Variants in ABCE1 observed in about 807,000 individuals in gnomAD.
ABCE1 encodes the protein ATP-binding cassette sub-family E member 1.
In ABCE1, 22 loss-of-function variants were observed where a neutral mutation model predicts 83.4. That is an observed-to-expected ratio of 0.26 (90% CI 0.19 to 0.38). The LOEUF (loss-of-function observed/expected upper bound fraction) is 0.38, where lower values mean the gene tolerates loss of function less well. ABCE1 is among the 10% of genes least tolerant of loss of function. The pLI, the probability that ABCE1 is intolerant of heterozygous loss-of-function variation, is 1.00. For missense variants in ABCE1, 330 were observed against 721.9 expected, an observed-to-expected ratio of 0.46 and a Z score of 6.22; for synonymous variants, 204 against 233.7, an observed-to-expected ratio of 0.87 and a Z score of 1.16.
intron 2 of ABCE1, 138 bp downstream of exon 2, chr4:145,104,653 G>C: frequency 1.8e-6 from 1 of 543,346 alleles, no homozygotes; most frequent in Admixed American, 4.3e-5. Flanking sequence ...AAGAAAAGTA[G>C]TTTGTTCTAA....
intron 16 of ABCE1, chr4:145,124,025 A>G (rs77197290): frequency 0.013 from 1,973 of 154,884 alleles, 48 homozygotes; most frequent in African/African-American, 0.045. Context: ...ATCTGGTATT[A>G]ATCTATAGCA....
rs1187924884 is a variant in ABCE1, at chr4:145,128,416, A to G, written c.*843A>G. ...TCGAAATCTTTAAAGATGGTGCCTA[A>G]GCATCTATGTATTTTTTTTAAGTTC... On this transcript the variant is annotated 3_prime_UTR_variant, in exon 18 of 18. Transcript: ENST00000296577. 1 of 152,280 alleles carries G rather than the reference A, an allele frequency of 6.6e-6. No homozygotes were observed. The highest frequency in any genetic ancestry group is 1.5e-5 in the Non-Finnish European group (1 of 68,016). The allele number at this position is 152,280 out of a possible 1,614,324, so 9.4% of individuals were successfully genotyped here.
At chr4:145,118,164 C>G (rs987335844) in intron 10 of ABCE1, among the ~76,000 whole-genome samples, 1 of 151,094 alleles carries the variant, frequency 6.6e-6, no homozygotes, top group African/African-American at 2.4e-5. Flanking sequence ...GCTGTTTACT[C>G]AGGAAAAAAA....
chr4:145,116,099 A>C (rs1197633613), intron 9 of ABCE1, among the ~76,000 whole-genome samples: 1 of 151,916 alleles, frequency 6.6e-6, no homozygotes, highest in East Asian at 1.9e-4. Context: ...GTAAAGATCT[A>C]GGCAGGAGAC....
intron 10 of ABCE1, 122 bp downstream of exon 10, chr4:145,117,536 G>T: frequency 1.2e-6 from 1 of 842,628 alleles, no homozygotes; most frequent in South Asian, 3.0e-5. Context: ...CTAGTTCCTT[G>T]GAATTTAATC....
In ABCE1 at chr4:145,121,238, A is replaced by C; in HGVS notation, c.1204+5A>C. ...GACTTAAACCTGATGAAGGAGGTACATTTGTAACTGTTGAGTCTTTTTACT... is the reference window on the plus strand; with the variant it reads ...GACTTAAACCTGATGAAGGAGGTACCTTTGTAACTGTTGAGTCTTTTTACT... On this transcript the variant is annotated splice_donor_5th_base_variant and intron_variant, in intron 12 of 17. Transcript: ENST00000296577. The C allele has an allele frequency of 6.2e-7, 1 of 1,613,838 alleles. No individual in the cohort carries two copies. The highest frequency in any genetic ancestry group is 8.5e-7 in the Non-Finnish European group (1 of 1,179,872).
At chr4:145,110,814 T>G in intron 7 of ABCE1, 154 bp from the exon 8 acceptor site, 1 of 591,514 alleles carries the variant, frequency 1.7e-6, no homozygotes, top group South Asian at 2.3e-5. Flanking sequence ...AAAGTACACA[T>G]CTTTATGTGG....
At chr4:145,112,165 C>A in intron 8 of ABCE1, 74 bp from the exon 9 acceptor site, 1 of 1,070,120 alleles carries the variant, frequency 9.3e-7, no homozygotes, top group South Asian at 1.6e-5. Context: ...TACTACAGTG[C>A]TTTAAAATAG....
chr4:145,112,711 G>A (rs891795697), intron 9 of ABCE1, among the ~76,000 whole-genome samples: 2 of 152,072 alleles, frequency 1.3e-5, no homozygotes, highest in African/African-American at 4.8e-5. Flanking sequence ...TCAGAATCTT[G>A]CTGGACAAAA....
chr4:145,098,701 C>T (rs1477403032), intron 1 of ABCE1, among the ~76,000 whole-genome samples: 1 of 152,222 alleles, frequency 6.6e-6, no homozygotes, highest in African/African-American at 2.4e-5. Context: ...CCGTAGTCTC[C>T]ACTCCCCCTT....
intron 9 of ABCE1, among the ~76,000 whole-genome samples, chr4:145,113,928 G>A (rs1357842654): frequency 6.6e-6 from 1 of 152,180 alleles, no homozygotes; most frequent in African/African-American, 2.4e-5. Context: ...TCAGAAACCT[G>A]GAGAATGTAA....
At chr4:145,111,611 G>A (rs1359008588) in intron 8 of ABCE1, among the ~76,000 whole-genome samples, 3 of 152,178 alleles carry the variant, frequency 2.0e-5, no homozygotes, top group East Asian at 1.9e-4. Flanking sequence ...ACAGGCGTGA[G>A]CCACCACGCC....
rs892896353 is a variant in ABCE1 at position 145,107,962 on chromosome 4, G to T, written c.190-53G>T. ...AATATTTTTAATCCATTTTAGTTAT[G>T]TGTATATGTCTACAAATTAATACAA... On this transcript the variant is annotated intron_variant, in intron 3 of 17. Coordinates refer to ENST00000296577, the MANE Select transcript of ABCE1 (RefSeq NM_002940.3). 3 of 1,354,812 alleles carry T rather than the reference G, an allele frequency of 2.2e-6. No homozygotes were observed. The African/African-American group carries it at 4.5e-5, about 20-fold the overall frequency. 83.9% of individuals were successfully genotyped at this position (1,354,812 alleles called of 1,614,324 possible). A position where few individuals can be genotyped will look rare whatever the true frequency, so the allele number is the denominator to read the frequency against.
intron 13 of ABCE1, chr4:145,121,732 G>C (rs1749751767): frequency 5.0e-6 from 1 of 200,972 alleles, no homozygotes; most frequent in African/African-American, 2.4e-5. Flanking sequence ...AACTAGCCGA[G>C]CGTGGTGGCA....
At chr4:145,105,955 A>G (rs192361783) in intron 3 of ABCE1, among the ~76,000 whole-genome samples, 1 of 151,930 alleles carries the variant, frequency 6.6e-6, no homozygotes, top group Non-Finnish European at 1.5e-5. Flanking sequence ...TCACCTTTTT[A>G]TAAGGACATT....
intron 6 of ABCE1, 36 bp from the exon 7 acceptor site, chr4:145,110,339 A>G: frequency 6.2e-7 from 1 of 1,603,748 alleles, no homozygotes; most frequent in Non-Finnish European, 8.5e-7. Context: ...TTAATATTGA[A>G]AGAAAATAGT....
rs747824451 is a variant in ABCE1, at chr4:145,127,508, TTC to T, written c.1753-16_1753-15del. ...GAATCGTGTTGCTGATTTTTGTGGC[TTC>T]TGTTTTCTTTTTTAGGATGTAGAAC... On this transcript the variant is annotated splice_polypyrimidine_tract_variant and intron_variant, in intron 17 of 17. Transcript: ENST00000296577. 9.5e-6 allele frequency: 15 copies of T among 1,581,198 alleles called. No homozygotes were observed. The South Asian group carries it at 1.4e-4, about 15-fold the overall frequency.
Position 145,112,224 on chromosome 4 carries a change from T to C in ABCE1, c.711-15T>C. On this transcript the variant is annotated splice_polypyrimidine_tract_variant and intron_variant, in intron 8 of 17. Coordinates refer to ENST00000296577, the MANE Select transcript of ABCE1 (RefSeq NM_002940.3). ...TTTCAAACTTATATTTGCTTTTTTT[T>C]TTTTTTTTTCATAGTTTCATGTTTG... 1 of 1,503,180 alleles carries C rather than the reference T, an allele frequency of 6.7e-7. No homozygotes were observed. 93.1% of individuals were successfully genotyped at this position (1,503,180 alleles called of 1,614,324 possible). A position where few individuals can be genotyped will look rare whatever the true frequency, so the allele number is the denominator to read the frequency against.
At chr4:145,105,784 A>G (rs1749287140) in intron 3 of ABCE1, 94 bp downstream of exon 3, 1 of 708,472 alleles carries the variant, frequency 1.4e-6, no homozygotes, top group Non-Finnish European at 2.3e-6. Context: ...TAAGTGAGGC[A>G]AAGTATAAAG....
Sources: gnomAD v4.1 joint callset for allele counts (sites outside exome capture counted in the v4.1 genomes callset) on GRCh38, gnomAD v4.1.1 for gene constraint, MANE v1.5 for transcripts, NCBI Gene and HGNC (gene_info 2026-07-23, HGNC 2026-07-21) for gene names.